Variants in PCDHGA7 observed in about 807,000 individuals in gnomAD.
PCDHGA7 encodes the protein protocadherin gamma subfamily A, 7.
In PCDHGA7, 44 loss-of-function variants were observed where a neutral mutation model predicts 58.3. The observed-to-expected ratio is 0.75, with a 90% CI of 0.59 to 0.97. The LOEUF is 0.97. Ranked by LOEUF, PCDHGA7 falls within the 50% of genes least tolerant of loss-of-function variation. The probability of loss-of-function intolerance (pLI) is 0.00; values close to 1 mark genes in which losing one functional copy is unlikely to be tolerated. For synonymous variants in PCDHGA7, 516 were observed against 504.2 expected (o/e 1.02, Z -0.31); for missense variants, 1,266 against 1,188.7 (o/e 1.06, Z -0.96).
intron 1 of PCDHGA7, chr5:141,418,778 T>C (rs1256260275): frequency 6.2e-7 from 1 of 1,613,744 alleles, no homozygotes; most frequent in Non-Finnish European, 8.5e-7. Context: ...TCAGCAGCCT[T>C]TGGATTTTGA....
chr5:141,447,164 G>T (rs2098528799), intron 1 of PCDHGA7, among the ~76,000 whole-genome samples: 1 of 151,766 alleles, frequency 6.6e-6, no homozygotes, highest in South Asian at 2.1e-4. Context: ...GTTTAAGCGG[G>T]GTCTTGCTCT....
chr5:141,399,396 G>C, intron 1 of PCDHGA7: 1 of 1,613,960 alleles, frequency 6.2e-7, no homozygotes, highest in Non-Finnish European at 8.5e-7. Flanking sequence ...CCACAGACAG[G>C]GGCAAGCCGC....
chr5:141,479,838 C>T (rs539142918), intron 1 of PCDHGA7, among the ~76,000 whole-genome samples: 1 of 152,298 alleles, frequency 6.6e-6, no homozygotes, highest in African/African-American at 2.4e-5. Context: ...GGTATCCATG[C>T]AAGGTGACTG....
Position 141,485,063 on chromosome 5 carries a change from A to C in PCDHGA7, c.2425-9744A>C. On this transcript the variant is annotated intron_variant, in intron 1 of 3. Transcript: ENST00000518325. This position sits in a 1 kb window ranked among gnomAD's most constrained non-coding sequence, Gnocchi z 5.7. ...CTTGCGGCGCCGGCCGAACCGCGCC[A>C]GAGCTGGCGCGGGGAAAGGGAGATA... is the stretch of plus-strand genomic sequence containing the variant. 2 of 874,986 alleles carry C rather than the reference A, an allele frequency of 2.3e-6. No individual in the cohort carries two copies. Among genetic ancestry groups the C allele is most frequent in the Non-Finnish European group, 3.6e-6 (2 of 551,278 alleles). 54.2% of individuals were successfully genotyped at this position (874,986 alleles called of 1,614,324 possible).
At position 141,429,460 on chromosome 5, in the gene PCDHGA7, C is replaced by T. The variant is rs528924726; in HGVS notation, c.2424+44137C>T. The stretch of plus-strand genomic sequence containing the variant: ...AAACTCTTGGGCTACAGTAATCCTC[C>T]CACCTCAATCTCCAGAGTAGCTGAG... On this transcript the variant is annotated intron_variant, in intron 1 of 3. Transcript: ENST00000518325. Among the ~76,000 whole-genome samples the T allele has an allele frequency of 1.6e-4, 25 of 151,938 alleles. 1 individual carries two copies. The South Asian group carries it at 4.6e-3, about 28-fold the overall frequency.
chr5:141,407,471 A>G (rs1343289603), intron 1 of PCDHGA7, among the ~76,000 whole-genome samples: 1 of 146,104 alleles, frequency 6.8e-6, no homozygotes, highest in African/African-American at 2.5e-5. Context: ...AGATGACTGA[A>G]TGGAGTATGG....
Position 141,491,756 on chromosome 5 carries a change from C to T in PCDHGA7, c.2425-3051C>T. The T allele has an allele frequency of 1.3e-6, 2 of 1,581,720 alleles. No individual in the cohort carries two copies. Among genetic ancestry groups the T allele is most frequent in the Non-Finnish European group, 8.6e-7 (1 of 1,165,100 alleles). ...CCTGGGGGCGGCACTGGAGAAGCCG[C>T]CCGTCCTCATAAGGGATTGAACTTG... On this transcript the variant is annotated intron_variant, in intron 1 of 3. Coordinates refer to ENST00000518325, the MANE Select transcript of PCDHGA7 (RefSeq NM_018920.4). This position sits in a 1 kb window ranked among gnomAD's most constrained non-coding sequence, Gnocchi z 6.9.
intron 1 of PCDHGA7, among the ~76,000 whole-genome samples, chr5:141,425,417 G>A (rs1238708306): frequency 2.0e-5 from 3 of 152,162 alleles, no homozygotes; most frequent in East Asian, 3.9e-4. Context: ...ATAACATATA[G>A]TCCCATTAAA....
intron 1 of PCDHGA7, chr5:141,426,568 C>T: frequency 5.6e-6 from 2 of 354,402 alleles, no homozygotes; most frequent in Non-Finnish European, 5.6e-6. Flanking sequence ...TCGAGAGTCA[C>T]TGTCTTCAAA....
intron 1 of PCDHGA7, chr5:141,394,283 T>A: frequency 6.2e-7 from 1 of 1,613,956 alleles, no homozygotes; most frequent in Non-Finnish European, 8.5e-7. Flanking sequence ...TCACTTACTC[T>A]GTGACCGAGG....
intron 1 of PCDHGA7, chr5:141,414,483 A>T (rs756254490): frequency 5.6e-6 from 9 of 1,613,826 alleles, no homozygotes; most frequent in Non-Finnish European, 6.8e-6. Flanking sequence ...GTCCTCCTCT[A>T]TCAACGGAAG....
At position 141,410,454 on chromosome 5, in the gene PCDHGA7, C is replaced by T. The variant is rs199849689; in HGVS notation, c.2424+25131C>T. 5,103 of 1,614,034 alleles carry T rather than the reference C, an allele frequency of 3.2e-3. 16 individuals are homozygous for T. Among genetic ancestry groups the T allele is most frequent in the Non-Finnish European group, 4.0e-3 (4,661 of 1,179,898 alleles). On this transcript the variant is annotated intron_variant, in intron 1 of 3. Transcript: ENST00000518325. ...TACAGTGAGGGGACTTTGCCTTATT[C>T]TTATAATCTGTGCATTGCACATACG... is the stretch of plus-strand genomic sequence containing the variant.
chr5:141,437,762 A>G (rs1286042187), intron 1 of PCDHGA7, among the ~76,000 whole-genome samples: 1 of 149,476 alleles, frequency 6.7e-6, no homozygotes, highest in African/African-American at 2.5e-5. Context: ...TTTTTGAGAC[A>G]GAGTCTCAAT....
chr5:141,382,927 T>G lies in PCDHGA7; in HGVS notation c.28T>G (p.Tyr10Asp). 6.3e-7 allele frequency: 1 copy of G among 1,579,076 alleles called. No homozygotes were observed. The highest frequency in any genetic ancestry group is 8.6e-7 in the Non-Finnish European group (1 of 1,160,692). MAAQPRGGD[Y>D]RGFFLLSILL... The stretch of plus-strand genomic sequence containing the variant: ...GGCGGCTCAGCCGAGGGGCGGGGAC[T>G]ACAGAGGATTCTTCCTGCTCTCCAT... The change falls in exon 1 of 4, where the codon TAC (tyrosine) becomes GAC (aspartate). Residue 10 changes from tyrosine to aspartate, a missense_variant. By Grantham distance (160) the Tyr-to-Asp change is radical. Coordinates refer to ENST00000518325, the MANE Select transcript of PCDHGA7 (RefSeq NM_018920.4).
chr5:141,389,894 G>A (rs754241365), intron 1 of PCDHGA7: 56 of 1,613,970 alleles, frequency 3.5e-5, no homozygotes, highest in Non-Finnish European at 4.7e-5. Flanking sequence ...AGGAGGTGCT[G>A]CCGGATATCA....
rs764363553 is a variant in PCDHGA7 at position 141,432,120 on chromosome 5, A to C, written c.2424+46797A>C. The C allele has an allele frequency of 1.2e-6, 2 of 1,613,978 alleles. No homozygotes were observed. Among genetic ancestry groups the C allele is most frequent in the African/African-American group, 2.7e-5 (2 of 74,894 alleles). ...AACGACAACCCGCCGGTCTTCCCTC[A>C]GGCCTCCTATTCCGCTTATATCCCA... On this transcript the variant is annotated intron_variant, in intron 1 of 3. Transcript: ENST00000518325. The surrounding 1 kb of genome is among the most constrained non-coding windows in gnomAD (Gnocchi z 6.0).
intron 2 of PCDHGA7, among the ~76,000 whole-genome samples, chr5:141,500,453 C>T (rs1403599390): frequency 6.6e-6 from 1 of 152,130 alleles, no homozygotes; most frequent in South Asian, 2.1e-4. Context: ...TCGTGATCCG[C>T]CCGCCTCGGC....
chr5:141,427,391 A>G (rs942653386), intron 1 of PCDHGA7: 3 of 459,818 alleles, frequency 6.5e-6, no homozygotes, highest in Non-Finnish European at 1.3e-5. Context: ...TGTTCAAAAC[A>G]CATGATAAAG....
At chr5:141,395,169 G>A in intron 1 of PCDHGA7, 3 of 1,614,020 alleles carry the variant, frequency 1.9e-6, no homozygotes, top group Non-Finnish European at 2.5e-6. Flanking sequence ...GGAGGGCTGT[G>A]AGAAAAATGA....
Sources: gnomAD v4.1 joint callset for allele counts (sites outside exome capture counted in the v4.1 genomes callset) on GRCh38, gnomAD v4.1.1 for gene constraint, Gnocchi (gnomAD v3.1) non-coding constraint, MANE v1.5 for transcripts, NCBI Gene and HGNC (gene_info 2026-07-23, HGNC 2026-07-21) for gene names.